Variants in WDPCP observed in about 807,000 individuals in gnomAD.
WDPCP encodes the protein WD repeat containing planar cell polarity effector.
In WDPCP, 71 loss-of-function variants were observed where a neutral mutation model predicts 93.1. That is an observed-to-expected ratio of 0.76 (90% CI 0.63 to 0.93). The LOEUF (loss-of-function observed/expected upper bound fraction) is 0.93, where lower values mean the gene tolerates loss of function less well. WDPCP is among the 40% of genes least tolerant of loss of function. The pLI is 0.00. For missense variants in WDPCP, 844 were observed against 887.4 expected (o/e 0.95, Z 0.62); for synonymous variants, 315 against 315.0 (o/e 1.00, Z 0.00).
At chr2:63,391,710 T>A (rs191211063) in intron 10 of WDPCP, among the ~76,000 whole-genome samples, 6 of 152,138 alleles carry the variant, frequency 3.9e-5, no homozygotes, top group African/African-American at 1.4e-4. Context: ...ACAAAATCAA[T>A]GTGCAAAAAT....
chr2:63,505,964 T>C (rs1259103373), intron 1 of WDPCP, among the ~76,000 whole-genome samples: 1 of 152,040 alleles, frequency 6.6e-6, no homozygotes, highest in African/African-American at 2.4e-5. Context: ...AACAGAACCA[T>C]GTCCAGGAAT....
At chr2:63,297,236 C>A (rs1684937547) in intron 13 of WDPCP, among the ~76,000 whole-genome samples, 1 of 152,158 alleles carries the variant, frequency 6.6e-6, no homozygotes, top group Non-Finnish European at 1.5e-5. Context: ...CACTTAACAA[C>A]CTCCACTTGG....
intron 1 of WDPCP, among the ~76,000 whole-genome samples, chr2:63,555,163 G>T (rs1434986153): frequency 6.6e-6 from 1 of 152,238 alleles, no homozygotes; most frequent in Non-Finnish European, 1.5e-5. Context: ...GTGCCAAGGA[G>T]ACTGGGCAGT....
intron 1 of WDPCP, among the ~76,000 whole-genome samples, chr2:63,567,583 T>C (rs1338236333): frequency 6.6e-6 from 1 of 152,208 alleles, no homozygotes; most frequent in Non-Finnish European, 1.5e-5. Flanking sequence ...AGAAGCACTT[T>C]TCCCCCTACT....
At chr2:63,774,314 G>T (rs1345611838) in intron 2 of WDPCP, among the ~76,000 whole-genome samples, 1 of 152,054 alleles carries the variant, frequency 6.6e-6, no homozygotes, top group African/African-American at 2.4e-5. Flanking sequence ...AGGCATAGCT[G>T]CAGATAGAAT....
intron 12 of WDPCP, among the ~76,000 whole-genome samples, chr2:63,325,270 C>A (rs1687443550): frequency 6.6e-6 from 1 of 152,120 alleles, no homozygotes; most frequent in East Asian, 1.9e-4. Context: ...TTTACAAGGA[C>A]ACTTTAAAAA....
rs77601479 is a variant in WDPCP, at chr2:63,194,355, G to A, written c.1916-19523C>T. Reference sequence around the variant, plus strand: ...CCTTGACCCAAAAGGGTGATAACAGGCAACTTATCTTTTAGGGTAAATGTT... The same window carrying A: ...CCTTGACCCAAAAGGGTGATAACAGACAACTTATCTTTTAGGGTAAATGTT... On this transcript the variant is annotated intron_variant, in intron 14 of 17. Transcript: ENST00000272321. Among the ~76,000 whole-genome samples, 96 of 152,172 alleles carry A rather than the reference G, an allele frequency of 6.3e-4. 1 individual carries two copies. The East Asian group carries it at 0.013, about 20-fold the overall frequency.
At chr2:63,583,926 C>A (rs548131468) in intron 1 of WDPCP, among the ~76,000 whole-genome samples, 10 of 151,822 alleles carry the variant, frequency 6.6e-5, no homozygotes, top group Non-Finnish European at 1.5e-4. Context: ...AGCAACCTAG[C>A]GAGACCACAT....
intron 14 of WDPCP, among the ~76,000 whole-genome samples, chr2:63,241,313 A>G (rs1679840021): frequency 6.6e-6 from 1 of 152,198 alleles, no homozygotes; most frequent in Admixed American, 6.5e-5. Flanking sequence ...ACATCATTAC[A>G]TAATAAAGGA....
intron 14 of WDPCP, among the ~76,000 whole-genome samples, chr2:63,215,474 A>G (rs1333697433): frequency 1.3e-5 from 2 of 152,236 alleles, no homozygotes; most frequent in African/African-American, 4.8e-5. Context: ...TTCCCTATTT[A>G]ATAAATGGTG....
intron 14 of WDPCP, among the ~76,000 whole-genome samples, chr2:63,205,887 A>G (rs1676301287): frequency 6.6e-6 from 1 of 152,150 alleles, no homozygotes; most frequent in Non-Finnish European, 1.5e-5. Context: ...GAAAGCGGGC[A>G]TCCTTGTTGT....
intron 14 of WDPCP, among the ~76,000 whole-genome samples, chr2:63,214,465 A>G (rs1247480253): frequency 6.6e-6 from 1 of 152,238 alleles, no homozygotes; most frequent in African/African-American, 2.4e-5. Context: ...TATTCATGGG[A>G]TGTATCTCAA....
Position 63,120,803 on chromosome 2 carries a change from G to A in WDPCP, c.*1203C>T, listed in dbSNP as rs1310716197. Among the ~76,000 whole-genome samples the A allele has an allele frequency of 6.6e-6, 1 of 151,810 alleles. No homozygotes were observed. The highest frequency in any genetic ancestry group is 1.5e-5 in the Non-Finnish European group (1 of 67,952). ...CCCGCCTTGGCCTCCCAAAGTGCTG[G>A]GATTACAGGCGTGAGCCACCGTGCC... On this transcript the variant is annotated 3_prime_UTR_variant, in exon 18 of 18. Coordinates refer to ENST00000272321, the MANE Select transcript of WDPCP (RefSeq NM_015910.7).
chr2:63,359,569 C>T (rs770525818), intron 12 of WDPCP, among the ~76,000 whole-genome samples: 6 of 152,220 alleles, frequency 3.9e-5, no homozygotes, highest in Non-Finnish European at 8.8e-5. Context: ...ATGACACAGA[C>T]ATTCTGGAAA....
intron 14 of WDPCP, among the ~76,000 whole-genome samples, chr2:63,196,179 T>C (rs754710454): frequency 6.6e-6 from 1 of 152,226 alleles, no homozygotes; most frequent in South Asian, 2.1e-4. Context: ...CCACTAGTGA[T>C]GCTGGAATTT....
chr2:63,738,115 T>G (rs1314506893), intron 2 of WDPCP, among the ~76,000 whole-genome samples: 1 of 152,118 alleles, frequency 6.6e-6, no homozygotes, highest in African/African-American at 2.4e-5. Flanking sequence ...CAACCAGTGC[T>G]TAGGTGCTCT....
At chr2:63,608,395 T>TC (rs1213192450) in intron 3 of WDPCP, among the ~76,000 whole-genome samples, 10 of 152,132 alleles carry the variant, frequency 6.6e-5, no homozygotes, top group African/African-American at 2.4e-5. Context: ...TCTTGTTTTT[T>TC]CCCCAAACCT....
rs1696932695 is a variant in WDPCP at position 63,433,727 on chromosome 2, T to C, written c.825+18A>G. The C allele has an allele frequency of 2.5e-6, 4 of 1,592,646 alleles. No homozygotes were observed. The African/African-American group carries it at 5.4e-5, about 21-fold the overall frequency. On this transcript the variant is annotated intron_variant, in intron 9 of 17. Transcript: ENST00000272321. ...TATTTACACTTTATTAAAATGTACA[T>C]ATTTGTTTTAGATTTACCTCTAGTC...
chr2:63,366,233 AGTT>A (rs1381106332), intron 12 of WDPCP, among the ~76,000 whole-genome samples: 1 of 152,174 alleles, frequency 6.6e-6, no homozygotes, highest in Non-Finnish European at 1.5e-5. Context: ...AGGGAGCAAA[AGTT>A]GGTCTTTAAG....
Sources: gnomAD v4.1 joint callset for allele counts (sites outside exome capture counted in the v4.1 genomes callset) on GRCh38, gnomAD v4.1.1 for gene constraint, MANE v1.5 for transcripts, NCBI Gene and HGNC (gene_info 2026-07-23, HGNC 2026-07-21) for gene names.